The following ADAMTSL1 variants were observed in gnomAD, a reference collection of about 807,000 sequenced individuals.
The protein encoded by ADAMTSL1 is ADAMTS-like protein 1.
ADAMTSL1 carries 126 observed loss-of-function variants against 201.8 expected under a neutral mutation model. The observed-to-expected ratio is 0.62, with a 90% CI of 0.54 to 0.72. The LOEUF (loss-of-function observed/expected upper bound fraction) is 0.72. Ranked by LOEUF, ADAMTSL1 falls within the 30% of genes least tolerant of loss-of-function variation. ADAMTSL1 has a pLI of 0.00. For missense variants in ADAMTSL1, 2,679 were observed against 2,277.8 expected (o/e 1.18, Z -3.59); for synonymous variants, 1,121 against 903.4 (o/e 1.24, Z -4.32).
At chr9:18,042,294 T>A (rs560102896) in intron 1 of ADAMTSL1, among the ~76,000 whole-genome samples, 1 of 152,256 alleles carries the variant, frequency 6.6e-6, no homozygotes, top group African/African-American at 2.4e-5. Context: ...TTAAAAATAT[T>A]ATAATACTAA....
At chr9:18,625,692 T>G (rs1267935337) in intron 5 of ADAMTSL1, among the ~76,000 whole-genome samples, 1 of 152,212 alleles carries the variant, frequency 6.6e-6, no homozygotes, top group Non-Finnish European at 1.5e-5. Context: ...GTTCTATATT[T>G]TCCAAGTATA....
At chr9:18,148,708 C>A (rs943843948) in intron 1 of ADAMTSL1, among the ~76,000 whole-genome samples, 1 of 151,726 alleles carries the variant, frequency 6.6e-6, no homozygotes, top group Non-Finnish European at 1.5e-5. Flanking sequence ...TTAGCTAATC[C>A]TTCATTATCC....
chr9:18,379,608 G>A (rs1182640317), intron 2 of ADAMTSL1, among the ~76,000 whole-genome samples: 1 of 152,210 alleles, frequency 6.6e-6, no homozygotes, highest in African/African-American at 2.4e-5. Context: ...GACAGGCATG[G>A]ATAGCCTGGG....
chr9:18,291,385 C>G (rs1047733588), intron 2 of ADAMTSL1, among the ~76,000 whole-genome samples: 2 of 152,164 alleles, frequency 1.3e-5, no homozygotes, highest in East Asian at 1.9e-4. Flanking sequence ...CTCTGATGCT[C>G]TCATTTATTC....
At chr9:18,023,464 G>A (rs1820563719) in intron 1 of ADAMTSL1, among the ~76,000 whole-genome samples, 1 of 152,132 alleles carries the variant, frequency 6.6e-6, no homozygotes, top group African/African-American at 2.4e-5. Context: ...TATTTTCTCT[G>A]CATATGACCA....
At chr9:18,364,637 G>T (rs73430974) in intron 2 of ADAMTSL1, among the ~76,000 whole-genome samples, 3,368 of 136,458 alleles carry the variant, frequency 0.025, 114 homozygotes, top group African/African-American at 0.082. Context: ...CCTGTATTAG[G>T]TCATTCTTGT....
chr9:18,790,835 G>T (rs1292852327), intron 19 of ADAMTSL1, among the ~76,000 whole-genome samples: 1 of 152,086 alleles, frequency 6.6e-6, no homozygotes, highest in Non-Finnish European at 1.5e-5. Context: ...TAAAAAGTGT[G>T]GTACAGGTCT....
At chr9:18,630,227 C>T (rs372658422) in intron 5 of ADAMTSL1, among the ~76,000 whole-genome samples, 44 of 152,276 alleles carry the variant, frequency 2.9e-4, no homozygotes, top group Middle Eastern at 3.4e-3. Flanking sequence ...CGGGACCTTT[C>T]TGAGTAGACT....
At chr9:18,464,661 G>T (rs559497956) in intron 2 of ADAMTSL1, among the ~76,000 whole-genome samples, 1 of 152,268 alleles carries the variant, frequency 6.6e-6, no homozygotes, top group African/African-American at 2.4e-5. Context: ...AAATCAATCT[G>T]ATCCTTCTCC....
chr9:18,087,627 A>G (rs545387813), intron 1 of ADAMTSL1, among the ~76,000 whole-genome samples: 20 of 152,284 alleles, frequency 1.3e-4, no homozygotes, highest in African/African-American at 4.8e-4. Context: ...ATGTTTGAGT[A>G]TAGGATATAG....
rs772013200 is a variant in ADAMTSL1 at position 18,826,343 on chromosome 9, C to A, written c.3994C>A (p.His1332Asn). The change falls in exon 22 of 29, where the codon CAT becomes AAT. Residue 1332 changes from histidine (H) to asparagine (N), a missense_variant. His to Asn is a moderately conservative substitution (Grantham distance 68, BLOSUM62 1). Coordinates refer to ENST00000380548, the MANE Select transcript of ADAMTSL1 (RefSeq NM_001040272.6). ...RNKSKLGSPH[H>N]LHEGSLLLTN... is the part of the protein sequence containing the mutation. The stretch of plus-strand genomic sequence containing the variant: ...TAAAAGCAAACTGGGCTCCCCGCAC[C>A]ATCTGCACGAAGGCTCCTTGCTGCT... The A allele has an allele frequency of 3.1e-6, 5 of 1,613,652 alleles. No individual in the cohort carries two copies. In the South Asian group the frequency reaches 3.3e-5, roughly 11 times the overall value.
At chr9:18,385,783 T>C (rs1431515734) in intron 2 of ADAMTSL1, among the ~76,000 whole-genome samples, 1 of 152,204 alleles carries the variant, frequency 6.6e-6, no homozygotes, top group African/African-American at 2.4e-5. Context: ...CCAGTAGTAT[T>C]TGGCTGACAT....
intron 23 of ADAMTSL1, among the ~76,000 whole-genome samples, chr9:18,879,868 C>T (rs1199667762): frequency 6.6e-6 from 1 of 152,184 alleles, no homozygotes; most frequent in Non-Finnish European, 1.5e-5. Flanking sequence ...CACAGTTGAA[C>T]TTCTTTCAAA....
intron 14 of ADAMTSL1, among the ~76,000 whole-genome samples, chr9:18,720,177 T>C (rs1050172622): frequency 6.6e-6 from 1 of 152,172 alleles, no homozygotes; most frequent in Admixed American, 6.5e-5. Flanking sequence ...GAAGTAGATA[T>C]GACAGCCTCT....
intron 20 of ADAMTSL1, chr9:18,796,834 C>G (rs1312113152): frequency 6.6e-6 from 1 of 152,220 alleles, no homozygotes; most frequent in Non-Finnish European, 1.5e-5. Flanking sequence ...CTTGTTAAAT[C>G]TCTCCTGCCA....
At chr9:18,886,311 G>C (rs1158506945) in intron 23 of ADAMTSL1, among the ~76,000 whole-genome samples, 1 of 150,794 alleles carries the variant, frequency 6.6e-6, no homozygotes, top group Non-Finnish European at 1.5e-5. Context: ...GTAGCTACTT[G>C]GGAGTTGGAG....
At chr9:18,330,418 A>G (rs779767546) in intron 2 of ADAMTSL1, among the ~76,000 whole-genome samples, 69 of 151,944 alleles carry the variant, frequency 4.5e-4, no homozygotes, top group Middle Eastern at 6.8e-3. Context: ...CCCAATCTGT[A>G]TTCTGTGCTC....
At chr9:17,936,476 G>A (rs2131333690) in intron 1 of ADAMTSL1, among the ~76,000 whole-genome samples, 1 of 152,258 alleles carries the variant, frequency 6.6e-6, no homozygotes, top group Non-Finnish European at 1.5e-5. Context: ...GTGACCTCAG[G>A]CGAGTCTAGT....
intron 2 of ADAMTSL1, among the ~76,000 whole-genome samples, chr9:18,256,764 C>A (rs553901156): frequency 6.6e-5 from 10 of 152,202 alleles, no homozygotes; most frequent in African/African-American, 2.4e-4. Flanking sequence ...CAGCAACCAT[C>A]GTAATATACA....
Sources: gnomAD v4.1 joint callset for allele counts (sites outside exome capture counted in the v4.1 genomes callset) on GRCh38, gnomAD v4.1.1 for gene constraint, MANE v1.5 for transcripts, NCBI Gene and HGNC (gene_info 2026-07-23, HGNC 2026-07-21) for gene names.